The following ZNF813 variants were observed in gnomAD, a reference collection of about 807,000 sequenced individuals.
ZNF813 encodes the protein zinc finger protein 813.
In ZNF813, 3 loss-of-function variants were observed where a neutral mutation model predicts 7.2. That is an observed-to-expected ratio of 0.42 (90% CI 0.19 to 1.08). The LOEUF (loss-of-function observed/expected upper bound fraction) is 1.08. ZNF813 is among the 50% of genes least tolerant of loss of function. ZNF813 has a pLI of 0.30. For missense variants in ZNF813, 714 were observed against 753.3 expected, an observed-to-expected ratio of 0.95 and a Z score of 0.61; for synonymous variants, 227 against 256.3, an observed-to-expected ratio of 0.89 and a Z score of 1.09.
At chr19:53,486,968 G>A (rs1469270909) in intron 3 of ZNF813, among the ~76,000 whole-genome samples, 3 of 143,656 alleles carry the variant, frequency 2.1e-5, no homozygotes, top group Non-Finnish European at 4.5e-5. Flanking sequence ...GACCATGTCC[G>A]GCTACTTTTT....
chr19:53,488,955 C>T (rs1388318944), intron 3 of ZNF813, among the ~76,000 whole-genome samples: 3 of 152,054 alleles, frequency 2.0e-5, no homozygotes, highest in Non-Finnish European at 4.4e-5. Flanking sequence ...TATGATTGTA[C>T]ATAAAGCTTT....
rs111875658 is a variant in ZNF813 at position 53,469,798 on chromosome 19, G to A, written c.-74+2009G>A. 6.7e-3 allele frequency among the ~76,000 whole-genome samples: 977 copies of A among 146,216 alleles called. 1 individual carries two copies. Among genetic ancestry groups the A allele is most frequent in the African/African-American group, 0.019 (755 of 39,652 alleles). On this transcript the variant is annotated intron_variant, in intron 1 of 3. Transcript: ENST00000396403. ...GGGGATCTAGGCTGCCAGAGAGTGGGGACAGGGGGTATAACAGGGAAGAGA... is the reference window on the plus strand; with the variant it reads ...GGGGATCTAGGCTGCCAGAGAGTGGAGACAGGGGGTATAACAGGGAAGAGA...
At chr19:53,473,290 G>T (rs2086368019) in intron 1 of ZNF813, among the ~76,000 whole-genome samples, 1 of 152,080 alleles carries the variant, frequency 6.6e-6, no homozygotes, top group African/African-American at 2.4e-5. Context: ...ACTAGAGCAG[G>T]GCTTGTCCCC....
At position 53,490,685 on chromosome 19, in the gene ZNF813, C is replaced by A; in HGVS notation, c.453C>A (p.Leu151=). ...GCTTTCATTCGCATCTGCCTGAACTCCACATGTTTCAGACCCAAGGGAAAA... is the reference window on the plus strand; with the variant it reads ...GCTTTCATTCGCATCTGCCTGAACTACACATGTTTCAGACCCAAGGGAAAA... ...GSSFHSHLPE[L]HMFQTQGKIG... Residue 151 remains leucine (L), a synonymous_variant, in exon 4 of 4, where the codon CTC becomes CTA. Coordinates refer to ENST00000396403, the MANE Select transcript of ZNF813 (RefSeq NM_001004301.4). 6.2e-7 allele frequency: 1 copy of A among 1,614,152 alleles called. No homozygotes were observed. Among genetic ancestry groups the A allele is most frequent in the Non-Finnish European group, 8.5e-7 (1 of 1,180,030 alleles).
intron 1 of ZNF813, among the ~76,000 whole-genome samples, chr19:53,471,668 C>T (rs2086359564): frequency 6.6e-6 from 1 of 151,798 alleles, no homozygotes; most frequent in Admixed American, 6.6e-5. Flanking sequence ...AGCAATTAGC[C>T]AGTCTTGGTG....
chr19:53,478,739 G>A (rs976037049), intron 1 of ZNF813, among the ~76,000 whole-genome samples: 1 of 152,132 alleles, frequency 6.6e-6, no homozygotes, highest in African/African-American at 2.4e-5. Context: ...AATTGTGCCA[G>A]TGCACTGCAG....
chr19:53,478,077 C>G (rs1214233535), intron 1 of ZNF813, among the ~76,000 whole-genome samples: 1 of 152,172 alleles, frequency 6.6e-6, no homozygotes, highest in African/African-American at 2.4e-5. Flanking sequence ...TTGTGAATCA[C>G]TCTATTCCCT....
chr19:53,486,424 G>A (rs2086434183), intron 2 of ZNF813, among the ~76,000 whole-genome samples: 1 of 147,978 alleles, frequency 6.8e-6, no homozygotes, highest in Non-Finnish European at 1.5e-5. Flanking sequence ...TCCAGCCTGG[G>A]CAGCAGAGTG....
intron 3 of ZNF813, among the ~76,000 whole-genome samples, chr19:53,489,702 A>G (rs903217495): frequency 6.6e-6 from 1 of 152,146 alleles, no homozygotes; most frequent in African/African-American, 2.4e-5. Context: ...AAAATATTGT[A>G]TTAACTTTTA....
In ZNF813 at chr19:53,491,749, G is replaced by A. The variant is rs759115359; in HGVS notation, c.1517G>A (p.Arg506Gln). The A allele has an allele frequency of 4.7e-5, 73 of 1,569,168 alleles. No homozygotes were observed. Among genetic ancestry groups the A allele is most frequent in the Non-Finnish European group, 5.2e-5 (60 of 1,148,316 alleles). ...KCNECGKGFN[R>Q]KTHLACHHRL... ...AATGAATGTGGCAAGGGTTTTAATC[G>A]GAAAACACACCTTGCATGTCATCAT... Residue 506 changes from arginine to glutamine, a missense_variant, in exon 4 of 4, where the codon CGG becomes CAG. By Grantham distance (43) the Arg-to-Gln change is conservative (BLOSUM62 1). This residue lies in a region of ZNF813 where 122 missense variants were observed against 146.8 expected (regional missense o/e 0.83). Coordinates refer to ENST00000396403, the MANE Select transcript of ZNF813 (RefSeq NM_001004301.4).
intron 2 of ZNF813, among the ~76,000 whole-genome samples, chr19:53,485,368 T>C (rs968408637): frequency 2.0e-5 from 3 of 152,190 alleles, no homozygotes; most frequent in African/African-American, 4.8e-5. Context: ...GTAAAAACTT[T>C]ATATACACAC....
chr19:53,475,459 T>C lies in ZNF813; in HGVS notation c.-74+7670T>C, dbSNP rs562205947. Among the ~76,000 whole-genome samples, 14 of 152,410 alleles carry C rather than the reference T, an allele frequency of 9.2e-5. No individual in the cohort carries two copies. In the South Asian group the frequency reaches 2.3e-3, roughly 25 times the overall value. On this transcript the variant is annotated intron_variant, in intron 1 of 3. Transcript: ENST00000396403. ...CTCGTCTACTGTTTTGACACAGTTA[T>C]GGAGAGGAGCTGCCTGTTCGACTGG...
chr19:53,482,768 G>C (rs1014303853), intron 1 of ZNF813, among the ~76,000 whole-genome samples: 1 of 134,564 alleles, frequency 7.4e-6, no homozygotes, highest in Non-Finnish European at 1.5e-5. Flanking sequence ...CTATTGCCCA[G>C]GCTGTGAGTG....
At chr19:53,471,581 G>T (rs113901498) in intron 1 of ZNF813, among the ~76,000 whole-genome samples, 23,416 of 151,788 alleles carry the variant, frequency 0.15, 1,835 homozygotes, top group East Asian at 0.29. Flanking sequence ...AGGCTGATGC[G>T]GGTGGATCAC....
intron 1 of ZNF813, among the ~76,000 whole-genome samples, chr19:53,468,063 CCACCCCGCGCTTTT>C (rs1309495402): frequency 6.6e-6 from 1 of 152,240 alleles, no homozygotes; most frequent in Admixed American, 6.5e-5. Flanking sequence ...CTGACTCCTC[CCACCCCGCGCTTTT>C]TGAAGTCCTC....
chr19:53,488,598 T>TTC (rs1158345313), intron 3 of ZNF813, among the ~76,000 whole-genome samples: 1 of 150,718 alleles, frequency 6.6e-6, no homozygotes, highest in East Asian at 2.0e-4. Flanking sequence ...TTTTTTTTTT[T>TTC]GTAGAGGTGG....
At chr19:53,480,968 C>T (rs1370330684) in intron 1 of ZNF813, among the ~76,000 whole-genome samples, 1 of 152,174 alleles carries the variant, frequency 6.6e-6, no homozygotes, top group Non-Finnish European at 1.5e-5. Context: ...GACCCAAGCT[C>T]TGGAAGCCCA....
chr19:53,468,599 G>A (rs905511256), intron 1 of ZNF813, among the ~76,000 whole-genome samples: 10 of 152,072 alleles, frequency 6.6e-5, no homozygotes, highest in Non-Finnish European at 1.3e-4. Flanking sequence ...GTGAGCAAAG[G>A]AATCTATATC....
At position 53,491,433 on chromosome 19, in the gene ZNF813, CATCGTAGACTTCAT is replaced by C; in HGVS notation, c.1203_1216del (p.Leu404GlufsTer6). The C allele has an allele frequency of 1.2e-6, 2 of 1,614,086 alleles. No homozygotes were observed. The highest frequency in any genetic ancestry group is 2.2e-5 in the South Asian group (2 of 91,076). Reference sequence around the variant, plus strand: ...CAGTCAGGAGTTAACCCTTAAATGCCATCGTAGACTTCATACCGGAGAGAAGCCTTACAAGTGTA... The same window carrying C: ...CAGTCAGGAGTTAACCCTTAAATGCCACCGGAGAGAAGCCTTACAAGTGTA... On this transcript the variant is annotated frameshift_variant, in exon 4 of 4. Coordinates refer to ENST00000396403, the MANE Select transcript of ZNF813 (RefSeq NM_001004301.4). LOFTEE classifies it low-confidence loss of function (END_TRUNC).
Sources: gnomAD v4.1 joint callset for allele counts (sites outside exome capture counted in the v4.1 genomes callset) on GRCh38, gnomAD v4.1.1 for gene constraint, gnomAD v4.1.1 regional missense constraint, MANE v1.5 for transcripts, NCBI Gene and HGNC (gene_info 2026-07-23, HGNC 2026-07-21) for gene names.